The following MYH7B variants were observed in gnomAD, a reference collection of about 807,000 sequenced individuals.
MYH7B encodes the protein myosin-7B.
In MYH7B, 205 loss-of-function variants were observed where a neutral mutation model predicts 234.5. That is an observed-to-expected ratio of 0.87 (90% confidence interval 0.78 to 0.98). The LOEUF is 0.98. Among genes scored for constraint, MYH7B ranks in the 50% least tolerant of loss-of-function variants. The pLI is 0.00. For synonymous variants in MYH7B, 1,193 were observed against 1,105.0 expected (o/e 1.08, Z -1.58); for missense variants, 2,652 against 2,633.4 (o/e 1.01, Z -0.15).
At position 34,994,227 on chromosome 20, in the gene MYH7B, G is replaced by A. The variant is rs759412985; in HGVS notation, c.2526G>A (p.Lys842=). The stretch of plus-strand genomic sequence containing the variant: ...GGTCATGGATGAAGCTCTTTTTCAA[G>A]ATGAAGCCGCTGCTGCGCTCGGCGC... The change falls in exon 27 of 45, where the codon AAG becomes AAA. Residue 842 remains lysine, a synonymous_variant. Transcript: ENST00000262873. 6.8e-6 allele frequency: 11 copies of A among 1,613,288 alleles called. No individual in the cohort carries two copies. In the East Asian group the frequency reaches 1.8e-4, roughly 26 times the overall value.
intron 24 of MYH7B, among the ~76,000 whole-genome samples, chr20:34,992,236 A>C (rs950221521): frequency 3.9e-5 from 6 of 152,046 alleles, no homozygotes; most frequent in Non-Finnish European, 8.8e-5. Flanking sequence ...ATATAAAAAA[A>C]TTAGCCGGGC....
At chr20:34,963,771 C>G (rs2081719280) in intron 2 of MYH7B, among the ~76,000 whole-genome samples, 1 of 152,072 alleles carries the variant, frequency 6.6e-6, no homozygotes, top group African/African-American at 2.4e-5. Context: ...TGAGGTAGGT[C>G]TTATGCATTT....
At chr20:34,998,349 A>G (rs1343607440) in exon 33 of MYH7B, 4 of 1,613,976 alleles carry the variant, frequency 2.5e-6, no homozygotes, top group African/African-American at 1.3e-5. Context: ...CGAGGCCAAG[A>G]TCAAGGTGGA....
In MYH7B at chr20:34,994,400, CTG is replaced by C. The variant is rs753082625; in HGVS notation, c.2700+2_2700+3del. The C allele has an allele frequency of 1.0e-5, 16 of 1,572,364 alleles. No individual in the cohort carries two copies. The highest frequency in any genetic ancestry group is 1.4e-5 in the African/African-American group (1 of 73,654). On this transcript the variant is annotated splice_donor_variant and coding_sequence_variant, in exon 27 of 45. Transcript: ENST00000262873. LOFTEE classifies it high-confidence loss of function. Reference sequence around the variant, plus strand: ...AATGACCTGGCCCTGCAGCTGCAGGCTGTGAGTCAGGGTTCCCCTTGTGACCG... The same window carrying C: ...AATGACCTGGCCCTGCAGCTGCAGGCTGAGTCAGGGTTCCCCTTGTGACCG...
At chr20:34,972,711 T>G (rs1027529055) in intron 2 of MYH7B, among the ~76,000 whole-genome samples, 2 of 152,080 alleles carry the variant, frequency 1.3e-5, no homozygotes, top group Non-Finnish European at 2.9e-5. Flanking sequence ...CTCACTGCAG[T>G]CTTGAACTCC....
Position 34,999,911 on chromosome 20 carries a change from G to A in MYH7B, c.4781+5G>A. The A allele has an allele frequency of 6.2e-7, 1 of 1,612,288 alleles. No homozygotes were observed. The highest frequency in any genetic ancestry group is 2.2e-5 in the East Asian group (1 of 44,836). On this transcript the variant is annotated splice_donor_5th_base_variant and intron_variant, in intron 38 of 44. Coordinates refer to ENST00000262873, the Ensembl canonical transcript of MYH7B. ...CGAGGAGTGCGCTAACCTGAGGTGT[G>A]TCCATCCTTCTCCCGTCCCCACCTC...
rs750151248 is a variant in MYH7B at position 34,984,646 on chromosome 20, C to T, written c.625-46C>T. The T allele has an allele frequency of 4.4e-6, 7 of 1,587,464 alleles. No individual in the cohort carries two copies. The African/African-American group carries it at 8.2e-5, about 19-fold the overall frequency. ...ATACCCTGCCCCACCCCGCCCTTCC[C>T]CACCGGAGGCCTGGCCCTCTAATGT... On this transcript the variant is annotated intron_variant, in intron 10 of 44. Transcript: ENST00000262873.
intron 4 of MYH7B, 73 bp from the exon 5 acceptor site, chr20:34,977,861 T>C (rs1430706574): frequency 2.7e-5 from 43 of 1,586,642 alleles, no homozygotes; most frequent in Non-Finnish European, 3.6e-5. Flanking sequence ...CCAGAGGGAG[T>C]CGCCTAGTAT....
At chr20:34,958,711 G>A (rs1384147527) in intron 2 of MYH7B, among the ~76,000 whole-genome samples, 1 of 152,162 alleles carries the variant, frequency 6.6e-6, no homozygotes, top group African/African-American at 2.4e-5. Context: ...TGATCCGTCC[G>A]CCTCTGCCTC....
Position 34,996,736 on chromosome 20 carries a change from C to T in MYH7B, c.3244C>T (p.Gln1082Ter), listed in dbSNP as rs955963675. 3.7e-6 allele frequency: 6 copies of T among 1,612,508 alleles called. No individual in the cohort carries two copies. Among genetic ancestry groups the T allele is most frequent in the Non-Finnish European group, 5.1e-6 (6 of 1,179,606 alleles). The change falls in exon 30 of 45, where the codon CAG (glutamine) becomes TAG (stop). Residue 1082 changes from glutamine (Q) to a stop codon, truncating the protein, a stop_gained. Transcript: ENST00000262873. LOFTEE classifies it high-confidence loss of function. ...GGCTGATGCTGCTCAAGACAAGCAG[C>T]AGCTGGAGGAGAAGCTCAAGAAGTA...
chr20:34,987,198 A>G (rs746815628), exon 16 of MYH7B: 7 of 1,612,992 alleles, frequency 4.3e-6, no homozygotes, highest in East Asian at 2.2e-5. Flanking sequence ...TGTGCCTGCT[A>G]TAAGATCGTG....
chr20:34,997,042 G>C, intron 30 of MYH7B, 41 bp from the exon 31 acceptor site: 1 of 1,468,170 alleles, frequency 6.8e-7, no homozygotes, highest in South Asian at 1.2e-5. Context: ...GGGTGGGTGG[G>C]AGTTAAGGCC....
At position 34,962,608 on chromosome 20, in the gene MYH7B, GTTTTA is replaced by G. The variant is rs542985123; in HGVS notation, c.-222+4407_-222+4411del. Among the ~76,000 whole-genome samples the G allele has an allele frequency of 3.0e-3, 449 of 151,952 alleles. 3 individuals are homozygous for G. Among genetic ancestry groups the G allele is most frequent in the Middle Eastern group, 0.017 (5 of 294 alleles). ...ATCCTCTCATATGCTCTTTAATTTTGTTTTATTTTATTTTAAATTTAAATTTATTT... is the reference window on the plus strand; with the variant it reads ...ATCCTCTCATATGCTCTTTAATTTTGTTTTATTTTAAATTTAAATTTATTT... On this transcript the variant is annotated intron_variant, in intron 2 of 44. Coordinates refer to ENST00000262873, the Ensembl canonical transcript of MYH7B.
exon 31 of MYH7B, chr20:34,997,122 A>T: frequency 6.5e-7 from 1 of 1,549,080 alleles, no homozygotes; most frequent in Non-Finnish European, 8.7e-7. Flanking sequence ...TGCGGGTGGA[A>T]GACGAGCAGC....
rs770988564 is a variant in MYH7B, at chr20:34,990,240, C to T, written c.1907C>T (p.Pro636Leu). The T allele has an allele frequency of 1.9e-6, 3 of 1,614,086 alleles. No homozygotes were observed. The East Asian group carries it at 6.7e-5, about 36-fold the overall frequency. Residue 636 changes from proline to leucine, a missense_variant, in exon 22 of 45, where the codon CCC (proline) becomes CTC (leucine). Physicochemically the swap from Pro to Leu is moderately conservative, Grantham distance 98. Transcript: ENST00000262873. ...GGCCCCTTGTCTCTATTAGCTGAGC[C>T]CCCCAAGTCTGGGGTGAAAGAGAAG...
In MYH7B at chr20:34,971,482, C is replaced by T. The variant is rs114499920; in HGVS notation, c.-221-3918C>T. 9.0e-3 allele frequency among the ~76,000 whole-genome samples: 1,370 copies of T among 152,088 alleles called. 27 individuals are homozygous for T. Among genetic ancestry groups the T allele is most frequent in the African/African-American group, 0.031 (1,294 of 41,478 alleles). The stretch of plus-strand genomic sequence containing the variant: ...AGCCCTGATGCCTTTTGGCTGCCCT[C>T]GTCCTATTTTTTGCTTCAAGCCTCA... On this transcript the variant is annotated intron_variant, in intron 2 of 44. Coordinates refer to ENST00000262873, the Ensembl canonical transcript of MYH7B.
In MYH7B at chr20:34,987,268, G is replaced by A. The variant is rs375345163; in HGVS notation, c.1128G>A (p.Ala376=). ...AGCAGAAGCAGCGGGAGGAGCAGGC[G>A]GAGGCCGATGGCACTGAGAGTGAGG... The change falls in exon 16 of 45, where the codon GCG becomes GCA. Residue 376 remains alanine (A), a synonymous_variant. Coordinates refer to ENST00000262873, the Ensembl canonical transcript of MYH7B. 28 of 1,611,050 alleles carry A rather than the reference G, an allele frequency of 1.7e-5. No homozygotes were observed. The highest frequency in any genetic ancestry group is 2.2e-5 in the South Asian group (2 of 90,998).
At chr20:34,991,008 C>T in exon 24 of MYH7B, 1 of 1,611,846 alleles carries the variant, frequency 6.2e-7, no homozygotes, top group Non-Finnish European at 8.5e-7. Flanking sequence ...GTCCAGGGGT[C>T]ATGGATGCCT....
At chr20:34,964,088 T>G (rs1410506905) in intron 2 of MYH7B, among the ~76,000 whole-genome samples, 1 of 152,204 alleles carries the variant, frequency 6.6e-6, no homozygotes, top group East Asian at 1.9e-4. Flanking sequence ...AGATGCCTCC[T>G]GTGCAGTGTG....
Sources: allele counts gnomAD v4.1 joint callset (sites outside exome capture counted in the v4.1 genomes callset), GRCh38; gene constraint gnomAD v4.1.1; transcripts MANE v1.5; gene names NCBI Gene and HGNC (gene_info 2026-07-23, HGNC 2026-07-21).